Variants in DDX1 observed in about 807,000 individuals in gnomAD.
DDX1 encodes ATP-dependent RNA helicase DDX1.
DDX1 carries 28 observed loss-of-function variants against 108.7 expected under a neutral mutation model. That is an observed-to-expected ratio of 0.26 (90% CI 0.19 to 0.35). DDX1 has a LOEUF of 0.35. DDX1 is among the 10% of genes least tolerant of loss of function. The pLI is 1.00. For synonymous variants in DDX1, 295 were observed against 288.9 expected, an observed-to-expected ratio of 1.02 and a Z score of -0.21; for missense variants, 710 against 884.5, an observed-to-expected ratio of 0.80 and a Z score of 2.50.
At chr2:15,594,299 T>A (rs182672182) in intron 1 of DDX1, among the ~76,000 whole-genome samples, 43 of 152,288 alleles carry the variant, frequency 2.8e-4, no homozygotes, top group Middle Eastern at 3.4e-3. Context: ...TTCTTTTTTT[T>A]ATAGGAATAT....
Position 15,620,393 on chromosome 2 carries a change from T to A in DDX1, c.1392T>A (p.Ile464=). 1 of 1,608,154 alleles carries A rather than the reference T, an allele frequency of 6.2e-7. No individual in the cohort carries two copies. Among genetic ancestry groups the A allele is most frequent in the Non-Finnish European group, 8.5e-7 (1 of 1,177,718 alleles). Residue 464 remains isoleucine (I), a synonymous_variant, in exon 17 of 26, where the codon ATT becomes ATA. Coordinates refer to ENST00000233084, the MANE Select transcript of DDX1 (RefSeq NM_004939.3). ...GGGAAAGGCTTGGAAAGAGCCACATTAGAGTAAGTGGTTTATAATATTAAC... is the reference window on the plus strand; with the variant it reads ...GGGAAAGGCTTGGAAAGAGCCACATAAGAGTAAGTGGTTTATAATATTAAC... The part of the protein sequence containing the change: ...RLWERLGKSH[I]RTDDVHAKDN...
intron 12 of DDX1, among the ~76,000 whole-genome samples, 193 bp from the exon 13 acceptor site, chr2:15,606,982 C>T (rs1266888970): frequency 6.6e-6 from 1 of 152,132 alleles, no homozygotes; most frequent in Non-Finnish European, 1.5e-5. Context: ...AGTCACCCCA[C>T]CAGCCCAAAT....
chr2:15,620,600 G>A (rs1665987222), intron 17 of DDX1, among the ~76,000 whole-genome samples: 1 of 152,128 alleles, frequency 6.6e-6, no homozygotes, highest in Admixed American at 6.5e-5. Context: ...TATTACTTTT[G>A]TGATCAGCTT....
At chr2:15,609,970 CTG>C (rs979920752) in intron 13 of DDX1, among the ~76,000 whole-genome samples, 2 of 152,178 alleles carry the variant, frequency 1.3e-5, no homozygotes, top group African/African-American at 2.4e-5. Context: ...AGGTCTCACT[CTG>C]TCACCTAGGC....
rs546676520 is a variant in DDX1, at chr2:15,600,441, A to G, written c.307+725A>G. 3.4e-3 allele frequency among the ~76,000 whole-genome samples: 520 copies of G among 152,332 alleles called. 2 individuals are homozygous for G. Among genetic ancestry groups the G allele is most frequent in the Non-Finnish European group, 6.1e-3 (417 of 68,026 alleles). On this transcript the variant is annotated intron_variant, in intron 6 of 25. Transcript: ENST00000233084. ...ACTCCTCAGGAAGCTTATGATACTG[A>G]TCTACAAAATGTAACAGTTCCTTCA...
chr2:15,611,981 C>T (rs1665774573), intron 13 of DDX1, among the ~76,000 whole-genome samples: 1 of 136,458 alleles, frequency 7.3e-6, no homozygotes, highest in Admixed American at 7.0e-5. Context: ...CACCACCTCC[C>T]TCCCGGACAG....
intron 5 of DDX1, among the ~76,000 whole-genome samples, chr2:15,598,468 A>T (rs1363103197): frequency 6.6e-6 from 1 of 152,218 alleles, no homozygotes. Flanking sequence ...GAATAAAGAA[A>T]GTAGAAATTT....
At chr2:15,612,358 C>G (rs1665788232) in intron 13 of DDX1, among the ~76,000 whole-genome samples, 1 of 151,714 alleles carries the variant, frequency 6.6e-6, no homozygotes, top group Non-Finnish European at 1.5e-5. Context: ...CCCCCCACAT[C>G]TCAGACGATG....
intron 13 of DDX1, among the ~76,000 whole-genome samples, chr2:15,608,663 G>GTTTTTTTTTTTTTTT (rs569566545): frequency 2.8e-5 from 3 of 106,726 alleles, no homozygotes; most frequent in East Asian, 6.0e-4. Context: ...TTTTTTTTAG[G>GTTTTTTTTTTTTTTT]TTTTTTTTTT....
intron 13 of DDX1, among the ~76,000 whole-genome samples, chr2:15,610,180 T>C (rs1191302677): frequency 1.3e-5 from 2 of 152,192 alleles, no homozygotes; most frequent in African/African-American, 4.8e-5. Context: ...AATCCTTGTG[T>C]CTCCGCCTCC....
intron 19 of DDX1, among the ~76,000 whole-genome samples, chr2:15,625,330 A>G (rs1460334823): frequency 1.3e-5 from 2 of 152,180 alleles, no homozygotes; most frequent in South Asian, 2.1e-4. Flanking sequence ...AGGCTGGGAA[A>G]GGATATGAGG....
chr2:15,605,988 A>G lies in DDX1; in HGVS notation c.664A>G (p.Met222Val), dbSNP rs866965172. ...TCTGGCATTTGAAATACCACCACAT[A>G]TGAAAAACCAAGCCCTCTTTCCTGC... ...LGLAFEIPPH[M>V]KNQALFPACV... The change falls in exon 11 of 26, where the codon ATG (methionine) becomes GTG (valine). Residue 222 changes from methionine (M) to valine (V), a missense_variant. Met to Val is a conservative substitution (Grantham distance 21). This residue lies in a region of DDX1 where 661 missense variants were observed against 810.2 expected (regional missense o/e 0.82). Transcript: ENST00000233084. 10 of 1,585,760 alleles carry G rather than the reference A, an allele frequency of 6.3e-6. No individual in the cohort carries two copies. The highest frequency in any genetic ancestry group is 1.7e-4 in the Middle Eastern group (1 of 5,922).
intron 15 of DDX1, 88 bp downstream of exon 15, chr2:15,617,430 G>A (rs1665918640): frequency 1.5e-6 from 1 of 663,766 alleles, no homozygotes; most frequent in Non-Finnish European, 2.4e-6. Context: ...ATATAATTCA[G>A]TCATGATCCT....
chr2:15,605,863 G>A (rs1665652622), intron 10 of DDX1, 87 bp from the exon 11 acceptor site: 1 of 886,678 alleles, frequency 1.1e-6, no homozygotes. Flanking sequence ...AGGCATGAAT[G>A]CAGGTAAGCT....
At chr2:15,613,145 T>A in intron 13 of DDX1, 79 bp from the exon 14 acceptor site, 1 of 956,270 alleles carries the variant, frequency 1.0e-6, no homozygotes, top group Non-Finnish European at 1.5e-6. Flanking sequence ...CCACCTAAAA[T>A]AAATGGATGC....
chr2:15,627,048 C>G lies in DDX1; in HGVS notation c.1595-6C>G, dbSNP rs1272479434. On this transcript the variant is annotated splice_polypyrimidine_tract_variant and splice_region_variant and intron_variant, in intron 19 of 25. Transcript: ENST00000233084. ...AAGGTTAAATGCTTAATGTGCTTTT[C>G]ACTAGGACCTGATAAAAAAGGACAC... is the stretch of plus-strand genomic sequence containing the variant. 1 of 1,595,860 alleles carries G rather than the reference C, an allele frequency of 6.3e-7. No individual in the cohort carries two copies. The highest frequency in any genetic ancestry group is 1.3e-5 in the African/African-American group (1 of 74,354).
chr2:15,596,664 C>A (rs1665504905), intron 3 of DDX1, 70 bp from the exon 4 acceptor site: 2 of 1,301,110 alleles, frequency 1.5e-6, no homozygotes, highest in African/African-American at 1.5e-5. Flanking sequence ...TTTCTACATA[C>A]TATGGTGTTA....
At chr2:15,629,775 T>G in intron 24 of DDX1, 78 bp downstream of exon 24, 1 of 1,205,650 alleles carries the variant, frequency 8.3e-7, no homozygotes, top group South Asian at 1.6e-5. Context: ...AAATTATATC[T>G]TGGCTTTTAT....
intron 3 of DDX1, among the ~76,000 whole-genome samples, chr2:15,596,085 C>G (rs1281667721): frequency 4.6e-5 from 7 of 152,150 alleles, no homozygotes; most frequent in Admixed American, 4.6e-4. Flanking sequence ...CAGGGTCTCA[C>G]TATGCTGCCC....
Sources: gnomAD v4.1 joint callset for allele counts (sites outside exome capture counted in the v4.1 genomes callset) on GRCh38, gnomAD v4.1.1 for gene constraint, gnomAD v4.1.1 regional missense constraint, MANE v1.5 for transcripts, NCBI Gene and HGNC (gene_info 2026-07-23, HGNC 2026-07-21) for gene names.